The following DESI2 variants were observed in gnomAD, a reference collection of about 807,000 sequenced individuals.
DESI2 encodes the protein desumoylating isopeptidase 2, also known as deubiquitinase DESI2.
A neutral mutation model predicts 24.1 loss-of-function variants in DESI2; 10 were observed. The observed-to-expected ratio is 0.41, with a 90% CI of 0.26 to 0.70. The LOEUF is 0.70. DESI2 is among the 30% of genes least tolerant of loss of function. The pLI is 0.29. For missense variants in DESI2, 122 were observed against 234.9 expected, an observed-to-expected ratio of 0.52 and a Z score of 3.14; for synonymous variants, 71 against 87.7, an observed-to-expected ratio of 0.81 and a Z score of 1.06.
intron 4 of DESI2, among the ~76,000 whole-genome samples, chr1:244,699,556 T>G (rs894064763): frequency 2.7e-5 from 3 of 109,754 alleles, no homozygotes; most frequent in South Asian, 3.2e-4. Flanking sequence ...CACTCCAGCC[T>G]AGCAACAGAG....
At chr1:244,682,695 C>G (rs995847737) in intron 1 of DESI2, among the ~76,000 whole-genome samples, 3 of 152,236 alleles carry the variant, frequency 2.0e-5, no homozygotes, top group South Asian at 2.1e-4. Flanking sequence ...GCATAAAAGC[C>G]ACGCAGACAA....
intron 4 of DESI2, chr1:244,694,379 ATT>A: frequency 7.2e-6 from 4 of 553,588 alleles, no homozygotes; most frequent in Middle Eastern, 5.4e-4. Context: ...TATTCATAAA[ATT>A]TTTTTTTTTA....
At chr1:244,701,032 A>G (rs993615829) in intron 4 of DESI2, among the ~76,000 whole-genome samples, 1 of 152,208 alleles carries the variant, frequency 6.6e-6, no homozygotes, top group African/African-American at 2.4e-5. Flanking sequence ...TGTTGCTTAT[A>G]GTAAAATGTG....
intron 1 of DESI2, among the ~76,000 whole-genome samples, chr1:244,662,635 A>T (rs1675888832): frequency 6.6e-6 from 1 of 152,208 alleles, no homozygotes; most frequent in African/African-American, 2.4e-5. Flanking sequence ...TGAGATAGTA[A>T]GTGGTAATTA....
intron 1 of DESI2, among the ~76,000 whole-genome samples, chr1:244,678,525 A>G (rs972020554): frequency 3.3e-5 from 5 of 152,196 alleles, no homozygotes; most frequent in African/African-American, 1.2e-4. Context: ...ATTCGGGCAT[A>G]ACTCTTTTTC....
At chr1:244,701,335 T>C (rs1677454200) in intron 4 of DESI2, among the ~76,000 whole-genome samples, 1 of 151,328 alleles carries the variant, frequency 6.6e-6, no homozygotes, top group Admixed American at 6.7e-5. Context: ...AGGAACGATC[T>C]GTGGAGGAAC....
Position 244,707,187 on chromosome 1 carries a change from C to T in DESI2, c.*1398C>T, listed in dbSNP as rs1347019138. On this transcript the variant is annotated 3_prime_UTR_variant, in exon 5 of 5. Transcript: ENST00000302550. The stretch of plus-strand genomic sequence containing the variant: ...ATATAGTTAGTTTTAAAATTATTGA[C>T]ATTTATTTAAACTTTTAGATTGGAT... 6.6e-6 allele frequency: 1 copy of T among 152,510 alleles called. No homozygotes were observed. The highest frequency in any genetic ancestry group is 1.5e-5 in the Non-Finnish European group (1 of 68,020). 9.4% of individuals were successfully genotyped at this position (152,510 alleles called of 1,614,324 possible). A position where few individuals can be genotyped will look rare whatever the true frequency, so the allele number is the denominator to read the frequency against.
intron 3 of DESI2, among the ~76,000 whole-genome samples, chr1:244,690,701 G>A (rs1458649960): frequency 2.8e-5 from 4 of 143,948 alleles, no homozygotes; most frequent in Admixed American, 1.4e-4. Flanking sequence ...GTAAATCTCC[G>A]TCTCACCAAA....
At position 244,709,021 on chromosome 1, in the gene DESI2, C is replaced by A. The variant is rs1017446996; in HGVS notation, c.*3232C>A. ...AAATACATTGATTTATTAAAAAATACTTTTATAAGAAATGTTTTATAGTGC... is the reference window on the plus strand; with the variant it reads ...AAATACATTGATTTATTAAAAAATAATTTTATAAGAAATGTTTTATAGTGC... On this transcript the variant is annotated 3_prime_UTR_variant, in exon 5 of 5. Transcript: ENST00000302550. The A allele has an allele frequency of 4.6e-5, 7 of 152,124 alleles. No individual in the cohort carries two copies. The highest frequency in any genetic ancestry group is 1.7e-4 in the African/African-American group (7 of 41,390). 9.4% of individuals were successfully genotyped at this position (152,124 alleles called of 1,614,324 possible). A position where few individuals can be genotyped will look rare whatever the true frequency, so the allele number is the denominator to read the frequency against.
rs538061307 is a variant in DESI2, at chr1:244,666,583, T to C, written c.42+13228T>C. 5.9e-5 allele frequency among the ~76,000 whole-genome samples: 9 copies of C among 152,356 alleles called. No individual in the cohort carries two copies. In the East Asian group the frequency reaches 1.5e-3, roughly 26 times the overall value. ...TTTTAAATGAACTTCTTTAGAAATATATTACTTTTAAGCCTAACAAATAAG... is the reference window on the plus strand; with the variant it reads ...TTTTAAATGAACTTCTTTAGAAATACATTACTTTTAAGCCTAACAAATAAG... On this transcript the variant is annotated intron_variant, in intron 1 of 4. Coordinates refer to ENST00000302550, the MANE Select transcript of DESI2 (RefSeq NM_016076.5).
chr1:244,653,798 C>T lies in DESI2; in HGVS notation c.42+443C>T, dbSNP rs1675549396. 1.0e-4 allele frequency: 38 copies of T among 370,248 alleles called. 2 individuals are homozygous for T. Among genetic ancestry groups the T allele is most frequent in the South Asian group, 8.1e-4 (38 of 47,054 alleles). 22.9% of individuals were successfully genotyped at this position (370,248 alleles called of 1,614,324 possible). The stretch of plus-strand genomic sequence containing the variant: ...TGTCCGTCTCTCTCCATGGCTACGT[C>T]TTCAGAAACTCCCAAGCCCCTCTAA... On this transcript the variant is annotated intron_variant, in intron 1 of 4. Coordinates refer to ENST00000302550, the MANE Select transcript of DESI2 (RefSeq NM_016076.5).
In DESI2 at chr1:244,653,167, C is replaced by G. The variant is rs1032711566; in HGVS notation, c.-147C>G. 7 of 770,902 alleles carry G rather than the reference C, an allele frequency of 9.1e-6. No homozygotes were observed. The highest frequency in any genetic ancestry group is 1.1e-5 in the Non-Finnish European group (6 of 553,510). The allele number at this position is 770,902 out of a possible 1,614,324, so 47.8% of individuals were successfully genotyped here. On this transcript the variant is annotated 5_prime_UTR_variant, in exon 1 of 5. Transcript: ENST00000302550. ...GGCGCCCGGGAGCGGCTCGGCTGCCCGATGCTTCCGCCCCGGCTGCCGCGG... is the reference window on the plus strand; with the variant it reads ...GGCGCCCGGGAGCGGCTCGGCTGCCGGATGCTTCCGCCCCGGCTGCCGCGG...
In DESI2 at chr1:244,706,250, G is replaced by T. The variant is rs1423459617; in HGVS notation, c.*461G>T. The stretch of plus-strand genomic sequence containing the variant: ...GTTATAGTCACCATCACCTGCTTCA[G>T]AATGGTCTTTTAGATTTGTGTTTGT... On this transcript the variant is annotated 3_prime_UTR_variant, in exon 5 of 5. Coordinates refer to ENST00000302550, the MANE Select transcript of DESI2 (RefSeq NM_016076.5). The T allele has an allele frequency of 6.1e-6, 1 of 165,112 alleles. No homozygotes were observed. The highest frequency in any genetic ancestry group is 2.4e-5 in the African/African-American group (1 of 41,540). The allele number at this position is 165,112 out of a possible 1,614,324, so 10.2% of individuals were successfully genotyped here. A position where few individuals can be genotyped will look rare whatever the true frequency, so the allele number is the denominator to read the frequency against.
chr1:244,653,315 TG>T lies in DESI2; in HGVS notation c.7del (p.Ala3?). On this transcript the variant is annotated frameshift_variant and start_lost, in exon 1 of 5. Transcript: ENST00000302550. LOFTEE classifies it high-confidence loss of function. ...GAGGCGGCGGCCGCGGGGAGGAGGA[TG>T]GGGGCTAACCAGTTAGTGGTGCTCA... MGANQLVVLNV... is the reference protein window; with the variant it reads XGANQLVVLNV... 2 of 1,506,308 alleles carry T rather than the reference TG, an allele frequency of 1.3e-6. No homozygotes were observed. Among genetic ancestry groups the T allele is most frequent in the South Asian group, 1.3e-5 (1 of 76,100 alleles). 93.3% of individuals were successfully genotyped at this position (1,506,308 alleles called of 1,614,324 possible). A position where few individuals can be genotyped will look rare whatever the true frequency, so the allele number is the denominator to read the frequency against.
Position 244,708,089 on chromosome 1 carries a change from T to TA in DESI2, c.*2300_*2301insA, listed in dbSNP as rs1677781935. On this transcript the variant is annotated 3_prime_UTR_variant, in exon 5 of 5. Coordinates refer to ENST00000302550, the MANE Select transcript of DESI2 (RefSeq NM_016076.5). ...GAGAATGGATTTAATTAACTAGCATTTAGCCAGCTTTTTCTTGCCCTTGGA... is the reference window on the plus strand; with the variant it reads ...GAGAATGGATTTAATTAACTAGCATTATAGCCAGCTTTTTCTTGCCCTTGGA... 1 of 152,214 alleles carries TA rather than the reference T, an allele frequency of 6.6e-6. No individual in the cohort carries two copies. The highest frequency in any genetic ancestry group is 2.4e-5 in the African/African-American group (1 of 41,456). 9.4% of individuals were successfully genotyped at this position (152,214 alleles called of 1,614,324 possible).
At chr1:244,690,891 T>C (rs1306944922) in intron 3 of DESI2, among the ~76,000 whole-genome samples, 2 of 152,210 alleles carry the variant, frequency 1.3e-5, no homozygotes, top group African/African-American at 4.8e-5. Flanking sequence ...AGCCTATCAC[T>C]GAATTGAAAG....
chr1:244,686,444 T>A (rs1676827074), intron 1 of DESI2, among the ~76,000 whole-genome samples, 153 bp from the exon 2 acceptor site: 1 of 152,128 alleles, frequency 6.6e-6, no homozygotes. Flanking sequence ...CCAGATGTGG[T>A]ACAGGCAAAG....
Position 244,653,319 on chromosome 1 carries a change from G to T in DESI2, c.6G>T (p.Gly2=). Residue 2 remains glycine, a synonymous_variant, in exon 1 of 5, where the codon GGG becomes GGT. Transcript: ENST00000302550. ...CGGCGGCCGCGGGGAGGAGGATGGGGGCTAACCAGTTAGTGGTGCTCAACG... is the reference window on the plus strand; with the variant it reads ...CGGCGGCCGCGGGGAGGAGGATGGGTGCTAACCAGTTAGTGGTGCTCAACG... M[G]ANQLVVLNVY... The T allele has an allele frequency of 6.6e-7, 1 of 1,518,244 alleles. No individual in the cohort carries two copies. The highest frequency in any genetic ancestry group is 1.3e-5 in the South Asian group (1 of 77,818). 94.0% of individuals were successfully genotyped at this position (1,518,244 alleles called of 1,614,324 possible).
chr1:244,688,896 A>G (rs1676917381), intron 2 of DESI2, among the ~76,000 whole-genome samples: 1 of 152,188 alleles, frequency 6.6e-6, no homozygotes, highest in South Asian at 2.1e-4. Context: ...GATCACTTTA[A>G]CTTAGAAAGT....
Sources: allele counts gnomAD v4.1 joint callset (sites outside exome capture counted in the v4.1 genomes callset), GRCh38; gene constraint gnomAD v4.1.1; transcripts MANE v1.5; gene names NCBI Gene and HGNC (gene_info 2026-07-23, HGNC 2026-07-21).